Variants in GSE1 observed in about 807,000 individuals in gnomAD.
The protein encoded by GSE1 is genetic suppressor element 1.
A neutral mutation model predicts 112.6 loss-of-function variants in GSE1; 32 were observed. The observed-to-expected ratio is 0.28, with a 90% CI of 0.21 to 0.38. GSE1 has a LOEUF of 0.38. Among genes scored for constraint, GSE1 ranks in the 10% least tolerant of loss-of-function variants. GSE1 has a pLI of 1.00. For synonymous variants in GSE1, 1,115 were observed against 735.6 expected, an observed-to-expected ratio of 1.52 and a Z score of -8.35; for missense variants, 2,348 against 1,699.2, an observed-to-expected ratio of 1.38 and a Z score of -6.71.
intron 1 of GSE1, among the ~76,000 whole-genome samples, chr16:85,599,554 T>C (rs958998389): frequency 2.0e-5 from 3 of 152,202 alleles, no homozygotes; most frequent in Non-Finnish European, 4.4e-5. Flanking sequence ...CATCTTGGGA[T>C]CTGGCTTCCT....
Position 85,634,077 on chromosome 16 carries a change from C to T in GSE1, c.171C>T (p.Ser57=), listed in dbSNP as rs200168352. The change falls in exon 2 of 16, where the codon TCC becomes TCT. Residue 57 remains serine (S), a synonymous_variant. Transcript: ENST00000253458. The part of the protein sequence containing the change: ...SSALSAQAAP[S]SSFAAALRKL... ...CGCTGTCGGCCCAGGCCGCGCCATC[C>T]TCCAGCTTTGCCGCCGCGCTGCGCA... is the stretch of plus-strand genomic sequence containing the variant. The T allele has an allele frequency of 8.0e-3, 12,875 of 1,603,042 alleles. 77 individuals carry two copies. Among genetic ancestry groups the T allele is most frequent in the Non-Finnish European group, 8.7e-3 (10,255 of 1,175,602 alleles).
chr16:85,326,769 AG>A (rs1288159344), intron 1 of GSE1, among the ~76,000 whole-genome samples: 1 of 152,230 alleles, frequency 6.6e-6, no homozygotes, highest in Non-Finnish European at 1.5e-5. Context: ...GCTCCTGTCC[AG>A]GGTAGAAGCT....
intron 1 of GSE1, among the ~76,000 whole-genome samples, chr16:85,212,516 CAT>C (rs1301836560): frequency 6.6e-6 from 1 of 152,150 alleles, no homozygotes; most frequent in East Asian, 1.9e-4. Context: ...ACAGATATTG[CAT>C]AGAGGATGAC....
intron 1 of GSE1, among the ~76,000 whole-genome samples, chr16:85,596,514 C>G (rs1011197529): frequency 6.6e-6 from 1 of 152,254 alleles, no homozygotes; most frequent in African/African-American, 2.4e-5. Context: ...ATACACCTCA[C>G]AGACCAAATA....
intron 1 of GSE1, among the ~76,000 whole-genome samples, chr16:85,270,690 G>A (rs16975452): frequency 0.029 from 4,339 of 149,686 alleles, 281 homozygotes; most frequent in African/African-American, 0.098. Flanking sequence ...CGAGAGGGAG[G>A]AAAAATCCAT....
intron 1 of GSE1, among the ~76,000 whole-genome samples, chr16:85,557,032 G>A (rs1475185424): frequency 6.6e-6 from 1 of 152,190 alleles, no homozygotes; most frequent in Admixed American, 6.5e-5. Context: ...TGGAGGGGAG[G>A]GGAGGGGAGG....
chr16:85,246,310 TACACAC>T (rs779606538), intron 1 of GSE1, among the ~76,000 whole-genome samples: 2 of 21,700 alleles, frequency 9.2e-5, no homozygotes, highest in Non-Finnish European at 1.7e-4. Flanking sequence ...ACACGCTGTC[TACACAC>T]ACACACACAC....
chr16:85,269,562 G>A (rs1329850599), intron 1 of GSE1, among the ~76,000 whole-genome samples: 1 of 149,228 alleles, frequency 6.7e-6, no homozygotes, highest in East Asian at 1.9e-4. Context: ...CTGTGGGGCT[G>A]GGGACCCAGG....
rs186873215 is a variant in GSE1, at chr16:85,617,558, C to T, written c.7+4160C>T. The stretch of plus-strand genomic sequence containing the variant: ...TACTGCCAGGCAGTTCAGGCCAAAT[C>T]TCGGAGGGATGCAGCCTGGGCATCC... On this transcript the variant is annotated intron_variant, in intron 1 of 15. Coordinates refer to ENST00000253458, the MANE Select transcript of GSE1 (RefSeq NM_014615.5). Among the ~76,000 whole-genome samples, 25 of 142,892 alleles carry T rather than the reference C, an allele frequency of 1.7e-4. No homozygotes were observed. The East Asian group carries it at 4.5e-3, about 26-fold the overall frequency. The allele number at this position is 142,892 out of a possible 152,430, so 93.7% of individuals were successfully genotyped here.
At chr16:85,588,104 C>T (rs756113318) in intron 1 of GSE1, among the ~76,000 whole-genome samples, 12 of 152,284 alleles carry the variant, frequency 7.9e-5, no homozygotes, top group Admixed American at 2.6e-4. Flanking sequence ...TGGTGGTGGG[C>T]GACGCTGTCC....
chr16:85,569,950 G>T (rs1027215844), intron 1 of GSE1, among the ~76,000 whole-genome samples: 34 of 152,308 alleles, frequency 2.2e-4, no homozygotes, highest in East Asian at 1.2e-3. Flanking sequence ...GGTGGAGGTG[G>T]GGGTTTCAAT....
Position 85,654,320 on chromosome 16 carries a change from A to T in GSE1, c.469A>T (p.Ile157Phe), listed in dbSNP as rs1192299885. Residue 157 changes from isoleucine to phenylalanine, a missense_variant, in exon 4 of 16, where the codon ATT becomes TTT. By Grantham distance (21) the Ile-to-Phe change is conservative. Coordinates refer to ENST00000253458, the MANE Select transcript of GSE1 (RefSeq NM_014615.5). ...CAGCAGTGGAGGTCGGGAACGCCTCATTGTGGAGCCCCCGCTCCCTCAGGA... is the reference window on the plus strand; with the variant it reads ...CAGCAGTGGAGGTCGGGAACGCCTCTTTGTGGAGCCCCCGCTCCCTCAGGA... Reference protein sequence around the residue: ...RSSSGGRERLIVEPPLPQEKA... With the variant: ...RSSSGGRERLFVEPPLPQEKA... 1 of 1,610,784 alleles carries T rather than the reference A, an allele frequency of 6.2e-7. No individual in the cohort carries two copies. Among genetic ancestry groups the T allele is most frequent in the African/African-American group, 1.3e-5 (1 of 74,900 alleles).
chr16:85,172,205 C>T (rs1370942710), intron 1 of GSE1, among the ~76,000 whole-genome samples: 3 of 152,172 alleles, frequency 2.0e-5, no homozygotes, highest in Admixed American at 6.5e-5. Flanking sequence ...GAGAGGTCTC[C>T]GTGCTCACCC....
chr16:85,389,440 A>T (rs1000573442), intron 2 of GSE1, among the ~76,000 whole-genome samples: 1 of 144,268 alleles, frequency 6.9e-6, no homozygotes, highest in African/African-American at 2.7e-5. Flanking sequence ...AGCCTGGGTG[A>T]CAGAGCGAGA....
chr16:85,621,888 A>G (rs1038227648), intron 1 of GSE1, among the ~76,000 whole-genome samples: 3 of 152,040 alleles, frequency 2.0e-5, no homozygotes, highest in Admixed American at 1.3e-4. Context: ...CATACTCCCC[A>G]TGCAGCCTTC....
At chr16:85,468,938 T>G (rs955049158) in intron 2 of GSE1, among the ~76,000 whole-genome samples, 1 of 152,206 alleles carries the variant, frequency 6.6e-6, no homozygotes, top group African/African-American at 2.4e-5. Flanking sequence ...TTAAGCCTCT[T>G]GAGCTAAAAT....
At chr16:85,515,349 T>TCTGGCCTGGGCCTGGG (rs575969935) in intron 2 of GSE1, among the ~76,000 whole-genome samples, 1 of 152,332 alleles carries the variant, frequency 6.6e-6, no homozygotes, top group African/African-American at 2.4e-5. Flanking sequence ...CCTGCCAGCC[T>TCTGGCCTGGGCCTGGG]CCTGGGCCGT....
intron 1 of GSE1, among the ~76,000 whole-genome samples, chr16:85,578,091 T>C (rs2046301602): frequency 6.6e-6 from 1 of 152,206 alleles, no homozygotes; most frequent in South Asian, 2.1e-4. Flanking sequence ...TCCGTTGAAT[T>C]CCGGCCCCTC....
At chr16:85,537,173 C>T (rs572573832) in intron 2 of GSE1, among the ~76,000 whole-genome samples, 11 of 152,320 alleles carry the variant, frequency 7.2e-5, no homozygotes, top group East Asian at 5.8e-4. Context: ...AGGCAGGTGA[C>T]GCAGGGCCTA....
Sources: allele counts gnomAD v4.1 joint callset (sites outside exome capture counted in the v4.1 genomes callset), GRCh38; gene constraint gnomAD v4.1.1; transcripts MANE v1.5; gene names NCBI Gene and HGNC (gene_info 2026-07-23, HGNC 2026-07-21).